The following SCFD2 variants were observed in gnomAD, a reference collection of about 807,000 sequenced individuals.
SCFD2 encodes sec1 family domain-containing protein 2.
A neutral mutation model predicts 58.9 loss-of-function variants in SCFD2; 54 were observed. That is an observed-to-expected ratio of 0.92 (90% CI 0.74 to 1.15). The LOEUF (loss-of-function observed/expected upper bound fraction) is 1.15. Ranked by LOEUF, SCFD2 falls within the 50% of genes most tolerant of loss-of-function variation. The pLI, the probability that SCFD2 is intolerant of heterozygous loss-of-function variation, is 0.00. For missense variants in SCFD2, 805 were observed against 836.6 expected, an observed-to-expected ratio of 0.96 and a Z score of 0.47; for synonymous variants, 321 against 335.9, an observed-to-expected ratio of 0.96 and a Z score of 0.49.
chr4:53,132,968 G>A (rs1251641804), intron 5 of SCFD2, among the ~76,000 whole-genome samples: 1 of 152,202 alleles, frequency 6.6e-6, no homozygotes, highest in Non-Finnish European at 1.5e-5. Flanking sequence ...GATGAGAGAA[G>A]AATGCAGAGG....
chr4:53,235,723 T>G (rs1483917935), intron 4 of SCFD2, among the ~76,000 whole-genome samples: 2 of 152,204 alleles, frequency 1.3e-5, no homozygotes, highest in Admixed American at 6.5e-5. Context: ...TTACCTCAGC[T>G]CTAGTTTTCT....
At chr4:53,240,888 C>A (rs1729871497) in intron 4 of SCFD2, among the ~76,000 whole-genome samples, 1 of 152,166 alleles carries the variant, frequency 6.6e-6, no homozygotes, top group East Asian at 1.9e-4. Flanking sequence ...CCAAGATGGT[C>A]AACTAGACAC....
chr4:53,300,291 T>C (rs1315839953), intron 3 of SCFD2, among the ~76,000 whole-genome samples: 1 of 151,264 alleles, frequency 6.6e-6, no homozygotes, highest in Non-Finnish European at 1.5e-5. Context: ...AAGGCAGGAG[T>C]TCCAATCCTA....
At chr4:52,915,363 C>T (rs1216781213) in intron 6 of SCFD2, among the ~76,000 whole-genome samples, 2 of 152,142 alleles carry the variant, frequency 1.3e-5, no homozygotes, top group African/African-American at 4.8e-5. Context: ...CTCTGAACAA[C>T]CAGCCTCTCA....
At chr4:53,265,827 C>T (rs1461737122) in intron 4 of SCFD2, among the ~76,000 whole-genome samples, 1 of 152,044 alleles carries the variant, frequency 6.6e-6, no homozygotes, top group Non-Finnish European at 1.5e-5. Flanking sequence ...GCAGCTTTGA[C>T]CTCCTGGGCT....
chr4:53,177,752 G>T (rs1042309194), intron 4 of SCFD2, among the ~76,000 whole-genome samples: 9 of 152,200 alleles, frequency 5.9e-5, no homozygotes, highest in African/African-American at 2.2e-4. Context: ...CCCTTTCCTA[G>T]TCAAAGAAAG....
At chr4:52,914,665 T>C (rs905957909) in intron 6 of SCFD2, among the ~76,000 whole-genome samples, 1 of 152,176 alleles carries the variant, frequency 6.6e-6, no homozygotes, top group African/African-American at 2.4e-5. Flanking sequence ...CACATTCCTT[T>C]TGAGGGCCCA....
At chr4:53,178,229 C>G (rs1034343538) in intron 4 of SCFD2, among the ~76,000 whole-genome samples, 3 of 152,162 alleles carry the variant, frequency 2.0e-5, no homozygotes, top group African/African-American at 7.2e-5. Context: ...CCCCGAGTAG[C>G]CTAACTGGGA....
At chr4:53,012,008 T>C (rs1212530411) in intron 5 of SCFD2, among the ~76,000 whole-genome samples, 1 of 151,692 alleles carries the variant, frequency 6.6e-6, no homozygotes, top group Non-Finnish European at 1.5e-5. Context: ...AGGCTTTTTT[T>C]TTTTTTTTTT....
At chr4:53,278,429 C>T (rs1400503136) in intron 3 of SCFD2, among the ~76,000 whole-genome samples, 1 of 151,376 alleles carries the variant, frequency 6.6e-6, no homozygotes, top group Non-Finnish European at 1.5e-5. Flanking sequence ...ATAGTCCCAG[C>T]TACTCAGGCA....
intron 5 of SCFD2, among the ~76,000 whole-genome samples, chr4:53,093,212 T>C (rs2148867747): frequency 6.6e-6 from 1 of 152,224 alleles, no homozygotes; most frequent in South Asian, 2.1e-4. Context: ...GAGCACAGGG[T>C]TTATACCAGT....
At chr4:53,013,187 T>C (rs1223331216) in intron 5 of SCFD2, among the ~76,000 whole-genome samples, 2 of 152,254 alleles carry the variant, frequency 1.3e-5, no homozygotes, top group East Asian at 3.8e-4. Flanking sequence ...CCTACAGTAC[T>C]TTCCCAGGAC....
chr4:52,990,536 C>T (rs1172017501), intron 5 of SCFD2, among the ~76,000 whole-genome samples: 2 of 152,154 alleles, frequency 1.3e-5, no homozygotes, highest in African/African-American at 4.8e-5. Flanking sequence ...TAGCATTATT[C>T]CCATTTTTCA....
intron 4 of SCFD2, among the ~76,000 whole-genome samples, chr4:53,164,013 T>C (rs1442676201): frequency 6.6e-6 from 1 of 152,092 alleles, no homozygotes; most frequent in Non-Finnish European, 1.5e-5. Flanking sequence ...CTCTTAACCA[T>C]AGCAAGGCAT....
At chr4:53,236,710 TTATA>T (rs1244277678) in intron 4 of SCFD2, among the ~76,000 whole-genome samples, 1 of 150,502 alleles carries the variant, frequency 6.6e-6, no homozygotes, top group African/African-American at 2.4e-5. Flanking sequence ...AATACAGTAA[TTATA>T]TATTTATATA....
At chr4:53,281,322 C>G (rs774078038) in intron 3 of SCFD2, among the ~76,000 whole-genome samples, 1 of 152,142 alleles carries the variant, frequency 6.6e-6, no homozygotes, top group Non-Finnish European at 1.5e-5. Flanking sequence ...TGAATGGGCT[C>G]CTGCTGATAC....
At chr4:52,890,784 C>A (rs1448005543) in intron 7 of SCFD2, among the ~76,000 whole-genome samples, 4 of 152,088 alleles carry the variant, frequency 2.6e-5, no homozygotes, top group African/African-American at 9.7e-5. Flanking sequence ...TGCTGAGACC[C>A]CTTTTGAGGT....
intron 5 of SCFD2, among the ~76,000 whole-genome samples, chr4:52,973,674 C>G (rs927086289): frequency 7.2e-5 from 11 of 152,172 alleles, no homozygotes; most frequent in African/African-American, 2.7e-4. Context: ...TTTTATGAGG[C>G]CAGCATCATC....
intron 4 of SCFD2, among the ~76,000 whole-genome samples, chr4:53,164,298 CCT>C (rs980446770): frequency 2.0e-5 from 3 of 152,094 alleles, no homozygotes; most frequent in African/African-American, 7.2e-5. Context: ...CCGTGGAGCC[CCT>C]GAGTGACTGC....
Sources: gnomAD v4.1 joint callset for allele counts (sites outside exome capture counted in the v4.1 genomes callset) on GRCh38, gnomAD v4.1.1 for gene constraint, MANE v1.5 for transcripts, NCBI Gene and HGNC (gene_info 2026-07-23, HGNC 2026-07-21) for gene names.